The following ZNF438 variants were observed in gnomAD, a reference collection of about 807,000 sequenced individuals.
ZNF438 encodes the protein zinc finger protein 438.
Under a neutral mutation model 38.0 loss-of-function variants are expected in ZNF438, and 25 were observed. That is an observed-to-expected ratio of 0.66 (90% CI 0.48 to 0.92). The LOEUF (loss-of-function observed/expected upper bound fraction) is 0.92, where lower values mean the gene tolerates loss of function less well. Among genes scored for constraint, ZNF438 ranks in the 40% least tolerant of loss-of-function variants. ZNF438 has a pLI of 0.00. For synonymous variants in ZNF438, 372 were observed against 364.1 expected, an observed-to-expected ratio of 1.02 and a Z score of -0.25; for missense variants, 1,007 against 999.6, an observed-to-expected ratio of 1.01 and a Z score of -0.10.
At chr10:30,896,661 G>T (rs533578185) in intron 3 of ZNF438, among the ~76,000 whole-genome samples, 2 of 152,242 alleles carry the variant, frequency 1.3e-5, no homozygotes, top group East Asian at 3.9e-4. Flanking sequence ...GTTGTGGGGA[G>T]GAGGGGAGGC....
Position 30,929,373 on chromosome 10 carries a change from G to T in ZNF438, c.-115+12202C>A, listed in dbSNP as rs202218512. Among the ~76,000 whole-genome samples the T allele has an allele frequency of 2.2e-4, 33 of 152,234 alleles. 1 individual carries two copies. In the East Asian group the frequency reaches 4.6e-3, roughly 21 times the overall value. Reference sequence around the variant, plus strand: ...TCTGGCTGGTTTCAGGAGTGAAGCTGCAGACCTTCGCAGTGAGTGTTACAG... The same window carrying T: ...TCTGGCTGGTTTCAGGAGTGAAGCTTCAGACCTTCGCAGTGAGTGTTACAG... On this transcript the variant is annotated intron_variant, in intron 2 of 5. Coordinates refer to ENST00000413025, the Ensembl canonical transcript of ZNF438.
intron 3 of ZNF438, among the ~76,000 whole-genome samples, chr10:30,883,478 T>A (rs1564564271): frequency 6.6e-6 from 1 of 152,154 alleles, no homozygotes; most frequent in Non-Finnish European, 1.5e-5. Flanking sequence ...AATGTAAAAC[T>A]TAGAATTAGG....
At chr10:30,929,525 A>G (rs1206968853) in intron 2 of ZNF438, among the ~76,000 whole-genome samples, 2 of 152,250 alleles carry the variant, frequency 1.3e-5, no homozygotes, top group Admixed American at 6.5e-5. Context: ...GTGGACCCAA[A>G]GAGTGAGCAG....
chr10:30,989,213 A>G (rs1310955762), intron 1 of ZNF438, among the ~76,000 whole-genome samples: 1 of 152,188 alleles, frequency 6.6e-6, no homozygotes, highest in Non-Finnish European at 1.5e-5. Flanking sequence ...AATTCCTTAA[A>G]ATAAACTCTA....
Position 30,869,288 on chromosome 10 carries a change from C to T in ZNF438, c.37+7710G>A, listed in dbSNP as rs182917303. The stretch of plus-strand genomic sequence containing the variant: ...ACTTGGGAGGCTGAGGCAGGAGAAT[C>T]GCTTGAACCAGGGAGGCGGAGGTTG... On this transcript the variant is annotated intron_variant, in intron 4 of 5. Transcript: ENST00000413025. 2.1e-3 allele frequency among the ~76,000 whole-genome samples: 324 copies of T among 152,130 alleles called. 2 individuals carry two copies. Among genetic ancestry groups the T allele is most frequent in the African/African-American group, 5.3e-3 (222 of 41,498 alleles).
chr10:31,002,156 T>C (rs2054725120), intron 1 of ZNF438, among the ~76,000 whole-genome samples: 1 of 152,258 alleles, frequency 6.6e-6, no homozygotes, highest in African/African-American at 2.4e-5. Flanking sequence ...GAATTGTCAG[T>C]TATTTTAATT....
At chr10:30,999,514 T>C (rs768770588) in intron 1 of ZNF438, 1 of 152,488 alleles carries the variant, frequency 6.6e-6, no homozygotes, top group Non-Finnish European at 1.5e-5. Context: ...GGTCTCAGCT[T>C]AATGCTACTT....
intron 2 of ZNF438, chr10:30,919,356 T>C (rs1403801717): frequency 6.6e-6 from 1 of 152,194 alleles, no homozygotes; most frequent in African/African-American, 2.4e-5. Context: ...CTCCATATGC[T>C]TTGTCTTAAC....
chr10:30,974,784 T>C (rs1459675608), intron 1 of ZNF438, among the ~76,000 whole-genome samples: 1 of 152,236 alleles, frequency 6.6e-6, no homozygotes, highest in East Asian at 1.9e-4. Context: ...ATTTTAAAGT[T>C]AGAAAGGATC....
intron 4 of ZNF438, among the ~76,000 whole-genome samples, chr10:30,867,627 CT>C (rs147934661): frequency 0.014 from 2,189 of 152,228 alleles, 62 homozygotes; most frequent in African/African-American, 0.049. Flanking sequence ...CTTCCTATGT[CT>C]TTTGAGATTC....
At chr10:30,875,890 A>G (rs1481127287) in intron 4 of ZNF438, among the ~76,000 whole-genome samples, 3 of 152,270 alleles carry the variant, frequency 2.0e-5, no homozygotes, top group African/African-American at 7.2e-5. Flanking sequence ...GATGTCCCAG[A>G]TATTAATAAT....
intron 1 of ZNF438, among the ~76,000 whole-genome samples, chr10:30,992,931 T>C (rs1305580868): frequency 6.6e-6 from 1 of 152,198 alleles, no homozygotes; most frequent in Non-Finnish European, 1.5e-5. Context: ...AGTGATGAAC[T>C]AGCATATCGA....
At chr10:31,023,292 T>A (rs755788313) in intron 1 of ZNF438, among the ~76,000 whole-genome samples, 8 of 152,180 alleles carry the variant, frequency 5.3e-5, no homozygotes, top group Non-Finnish European at 1.2e-4. Flanking sequence ...TCAAGACTAA[T>A]TGTGGCAGGC....
At chr10:30,874,509 A>AAATATTAATATT (rs36219583) in intron 4 of ZNF438, among the ~76,000 whole-genome samples, 8,018 of 151,992 alleles carry the variant, frequency 0.053, 691 homozygotes, top group African/African-American at 0.18. Flanking sequence ...TTTTGTTAAA[A>AAATATTAATATT]AATATTAATA....
chr10:30,933,701 G>A (rs1338713443), intron 2 of ZNF438, among the ~76,000 whole-genome samples: 5 of 152,158 alleles, frequency 3.3e-5, no homozygotes, highest in African/African-American at 1.2e-4. Flanking sequence ...AACTTGTCAA[G>A]AGGTCCAGAT....
chr10:30,898,196 T>C (rs1388956442), intron 3 of ZNF438, among the ~76,000 whole-genome samples: 1 of 152,152 alleles, frequency 6.6e-6, no homozygotes, highest in Non-Finnish European at 1.5e-5. Flanking sequence ...AAAATGACTT[T>C]CTATGTATAC....
chr10:30,849,293 T>C (rs757212964), exon 5 of ZNF438: 3 of 1,614,198 alleles, frequency 1.9e-6, no homozygotes, highest in Non-Finnish European at 1.7e-6. Context: ...TTTTGTTTTG[T>C]GGTTAAGATC....
At chr10:30,916,062 A>G (rs945540291) in intron 2 of ZNF438, among the ~76,000 whole-genome samples, 1 of 152,028 alleles carries the variant, frequency 6.6e-6, no homozygotes, top group African/African-American at 2.4e-5. Context: ...TCTGAGAAAC[A>G]GTCTCAGAAG....
chr10:30,978,017 T>A (rs1187604405), intron 1 of ZNF438, among the ~76,000 whole-genome samples: 1 of 150,450 alleles, frequency 6.6e-6, no homozygotes, highest in Non-Finnish European at 1.5e-5. Context: ...GACATTGGTA[T>A]GTTGGTATGT....
Sources: allele counts gnomAD v4.1 joint callset (sites outside exome capture counted in the v4.1 genomes callset), GRCh38; gene constraint gnomAD v4.1.1; transcripts MANE v1.5; gene names NCBI Gene and HGNC (gene_info 2026-07-23, HGNC 2026-07-21).